LSM8: variants seen among roughly 807,000 people sequenced by gnomAD.
LSM8 encodes LSM8 homolog, U6 small nuclear RNA associated.
A neutral mutation model predicts 15.0 loss-of-function variants in LSM8; 14 were observed. The observed-to-expected ratio is 0.93, with a 90% CI of 0.62 to 1.46. The LOEUF (loss-of-function observed/expected upper bound fraction) is 1.46, where lower values mean the gene tolerates loss of function less well. Among genes scored for constraint, LSM8 ranks in the 40% most tolerant of loss-of-function variants. LSM8 has a pLI of 0.00. For synonymous variants in LSM8, 50 were observed against 42.1 expected (o/e 1.19, Z -0.73); for missense variants, 90 against 115.4 (o/e 0.78, Z 1.01).
At position 118,197,594 on chromosome 7, in the gene LSM8, T is replaced by C. The variant is rs1400739654; in HGVS notation, c.*5592T>C. On this transcript the variant is annotated 3_prime_UTR_variant, in exon 4 of 4. Coordinates refer to ENST00000249299, the MANE Select transcript of LSM8 (RefSeq NM_016200.5). ...AATGATAGTTAAAAGTTAAATTTTT[T>C]ATTTTAAAATTTAAATTTTTATTTT... Among the ~76,000 whole-genome samples the C allele has an allele frequency of 1.3e-5, 2 of 151,986 alleles. No individual in the cohort carries two copies. The highest frequency in any genetic ancestry group is 2.9e-5 in the Non-Finnish European group (2 of 68,012).
chr7:118,192,112 G>A lies in LSM8; in HGVS notation c.*110G>A, dbSNP rs1442800050. On this transcript the variant is annotated 3_prime_UTR_variant, in exon 4 of 4. Transcript: ENST00000249299. ...TGTCACTGGATTTTGACTCCTTATT[G>A]ATTCATTGTAATATGTAAATTAAAA... The A allele has an allele frequency of 3.2e-6, 2 of 627,594 alleles. No homozygotes were observed. The highest frequency in any genetic ancestry group is 6.3e-5 in the East Asian group (2 of 31,680). The allele number at this position is 627,594 out of a possible 1,614,324, so 38.9% of individuals were successfully genotyped here.
chr7:118,187,046 A>G (rs1358456625), intron 2 of LSM8, among the ~76,000 whole-genome samples: 1 of 152,182 alleles, frequency 6.6e-6, no homozygotes, highest in East Asian at 1.9e-4. Context: ...TCTTTGACAC[A>G]TAATTTATTT....
chr7:118,185,492 G>A, intron 1 of LSM8, 162 bp from the exon 2 acceptor site: 1 of 624,256 alleles, frequency 1.6e-6, no homozygotes, highest in Non-Finnish European at 2.8e-6. Flanking sequence ...CTGCCTTGGC[G>A]TCTAAGAAAC....
intron 3 of LSM8, 105 bp from the exon 4 acceptor site, chr7:118,191,807 T>C: frequency 1.2e-6 from 1 of 824,484 alleles, no homozygotes; most frequent in Non-Finnish European, 1.9e-6. Context: ...CTCAGTTTTA[T>C]TTTTTGGAAG....
At chr7:118,186,992 A>T (rs947212102) in intron 2 of LSM8, among the ~76,000 whole-genome samples, 2 of 152,222 alleles carry the variant, frequency 1.3e-5, no homozygotes. Context: ...AATGAAAGTG[A>T]TATAAAAAGC....
At position 118,191,903 on chromosome 7, in the gene LSM8, C is replaced by T; in HGVS notation, c.201-9C>T. ...AGAAATGTGATTGTTTTAACTCTGA[C>T]TTTTTTAGTGCAGTCATTGGAGAAA... On this transcript the variant is annotated splice_polypyrimidine_tract_variant and intron_variant, in intron 3 of 3. Transcript: ENST00000249299. The T allele has an allele frequency of 6.3e-7, 1 of 1,599,550 alleles. No homozygotes were observed. The highest frequency in any genetic ancestry group is 8.5e-7 in the Non-Finnish European group (1 of 1,170,324).
rs1328961314 is a variant in LSM8, at chr7:118,192,811, C to CT, written c.*810dup. 2 of 152,052 alleles carry CT rather than the reference C, an allele frequency of 1.3e-5. No individual in the cohort carries two copies. Among genetic ancestry groups the CT allele is most frequent in the East Asian group, 1.9e-4 (1 of 5,194 alleles). 9.4% of individuals were successfully genotyped at this position (152,052 alleles called of 1,614,324 possible). A position where few individuals can be genotyped will look rare whatever the true frequency, so the allele number is the denominator to read the frequency against. ...GTTTATAAATGTGAGTAAATAAACT[C>CT]TAAGTTTGTATTGAAGTAGTGCTAG... On this transcript the variant is annotated 3_prime_UTR_variant, in exon 4 of 4. Coordinates refer to ENST00000249299, the MANE Select transcript of LSM8 (RefSeq NM_016200.5).
rs1416021824 is a variant in LSM8, at chr7:118,196,193, C to A, written c.*4191C>A. On this transcript the variant is annotated 3_prime_UTR_variant, in exon 4 of 4. Coordinates refer to ENST00000249299, the MANE Select transcript of LSM8 (RefSeq NM_016200.5). ...AGTATGCTCAAAGCTGTGGATAGGCCAGGGAACAGTATTCTTGTGCTTGTG... is the reference window on the plus strand; with the variant it reads ...AGTATGCTCAAAGCTGTGGATAGGCAAGGGAACAGTATTCTTGTGCTTGTG... 2.0e-5 allele frequency among the ~76,000 whole-genome samples: 3 copies of A among 152,134 alleles called. No individual in the cohort carries two copies. Among genetic ancestry groups the A allele is most frequent in the African/African-American group, 7.2e-5 (3 of 41,416 alleles).
chr7:118,190,193 A>C (rs1721151116), intron 3 of LSM8: 1 of 152,210 alleles, frequency 6.6e-6, no homozygotes, highest in Non-Finnish European at 1.5e-5. Context: ...TTTGATCTGT[A>C]ATCAAAAATC....
chr7:118,187,703 A>T (rs1304378232), intron 2 of LSM8, among the ~76,000 whole-genome samples: 1 of 152,210 alleles, frequency 6.6e-6, no homozygotes, highest in Non-Finnish European at 1.5e-5. Context: ...TGGCTCTGCC[A>T]CTTACTACCC....
rs750861929 is a variant in LSM8, at chr7:118,192,062, A to G, written c.*60A>G. 1.6e-5 allele frequency: 22 copies of G among 1,342,320 alleles called. No homozygotes were observed. Among genetic ancestry groups the G allele is most frequent in the Non-Finnish European group, 2.1e-5 (20 of 956,364 alleles). 83.2% of individuals were successfully genotyped at this position (1,342,320 alleles called of 1,614,324 possible). On this transcript the variant is annotated 3_prime_UTR_variant, in exon 4 of 4. Coordinates refer to ENST00000249299, the MANE Select transcript of LSM8 (RefSeq NM_016200.5). ...TGTACAGAAACTGATTATTCTGAGG[A>G]TGATATATGGAGTTTTTATGAGTGT... is the stretch of plus-strand genomic sequence containing the variant.
rs1809123301 is a variant in LSM8 at position 118,198,841 on chromosome 7, G to A, written c.*6839G>A. Among the ~76,000 whole-genome samples, 1 of 152,158 alleles carries A rather than the reference G, an allele frequency of 6.6e-6. No individual in the cohort carries two copies. Among genetic ancestry groups the A allele is most frequent in the African/African-American group, 2.4e-5 (1 of 41,432 alleles). Reference sequence around the variant, plus strand: ...TTGGGATGTCTTACCTGTTAAGAGTGCTTTTGTATGCCTGAGACCATAGGC... The same window carrying A: ...TTGGGATGTCTTACCTGTTAAGAGTACTTTTGTATGCCTGAGACCATAGGC... On this transcript the variant is annotated 3_prime_UTR_variant, in exon 4 of 4. Coordinates refer to ENST00000249299, the MANE Select transcript of LSM8 (RefSeq NM_016200.5).
Position 118,199,710 on chromosome 7 carries a change from A to C in LSM8, c.*7708A>C, listed in dbSNP as rs1416776668. Among the ~76,000 whole-genome samples, 1 of 152,148 alleles carries C rather than the reference A, an allele frequency of 6.6e-6. No homozygotes were observed. The highest frequency in any genetic ancestry group is 1.5e-5 in the Non-Finnish European group (1 of 68,014). On this transcript the variant is annotated 3_prime_UTR_variant, in exon 4 of 4. Coordinates refer to ENST00000249299, the MANE Select transcript of LSM8 (RefSeq NM_016200.5). ...GAACTTAGATGTAACCAAAGACTTA[A>C]AAGATACTAGTCTTTAAGACAGGCT...
At position 118,200,420 on chromosome 7, in the gene LSM8, A is replaced by G. The variant is rs1350684393; in HGVS notation, c.*8418A>G. On this transcript the variant is annotated 3_prime_UTR_variant, in exon 4 of 4. Transcript: ENST00000249299. ...AAGAAAGCTTTAATTTTGGTTTTTC[A>G]GAGCAATATTCACATGACATCTTTC... 1.3e-5 allele frequency among the ~76,000 whole-genome samples: 2 copies of G among 152,164 alleles called. No homozygotes were observed. The highest frequency in any genetic ancestry group is 2.9e-5 in the Non-Finnish European group (2 of 68,022).
rs79666402 is a variant in LSM8, at chr7:118,203,575, C to G, written c.*11573C>G. Among the ~76,000 whole-genome samples the G allele has an allele frequency of 0.068, 10,389 of 151,740 alleles. 384 individuals are homozygous for G. Among genetic ancestry groups the G allele is most frequent in the East Asian group, 0.11 (562 of 5,160 alleles). ...ATTTTTATATCATGATTTTACCACT[C>G]TGAATATCAAAGTCAGTGATGTCTC... On this transcript the variant is annotated 3_prime_UTR_variant, in exon 4 of 4. Coordinates refer to ENST00000249299, the MANE Select transcript of LSM8 (RefSeq NM_016200.5).
intron 3 of LSM8, 104 bp from the exon 4 acceptor site, chr7:118,191,808 T>C (rs1412079014): frequency 1.2e-5 from 10 of 831,636 alleles, no homozygotes; most frequent in Non-Finnish European, 1.5e-5. Context: ...TCAGTTTTAT[T>C]TTTTGGAAGA....
chr7:118,194,203 C>G lies in LSM8; in HGVS notation c.*2201C>G, dbSNP rs1420741855. 2.0e-5 allele frequency among the ~76,000 whole-genome samples: 3 copies of G among 151,712 alleles called. No homozygotes were observed. The highest frequency in any genetic ancestry group is 2.1e-4 in the South Asian group (1 of 4,800). On this transcript the variant is annotated 3_prime_UTR_variant, in exon 4 of 4. Coordinates refer to ENST00000249299, the MANE Select transcript of LSM8 (RefSeq NM_016200.5). ...TGAGACATTTATTCTATAATCAGTTCTTATTTATAAAGAGGCGCAAATCAA... is the reference window on the plus strand; with the variant it reads ...TGAGACATTTATTCTATAATCAGTTGTTATTTATAAAGAGGCGCAAATCAA...
In LSM8 at chr7:118,200,042, A is replaced by G. The variant is rs1809146620; in HGVS notation, c.*8040A>G. On this transcript the variant is annotated 3_prime_UTR_variant, in exon 4 of 4. Transcript: ENST00000249299. ...GAGAACTAATGACTAGCCATACCGA[A>G]GACATTTATCTGGAAATGCCTTCCC... 6.6e-6 allele frequency among the ~76,000 whole-genome samples: 1 copy of G among 152,174 alleles called. No individual in the cohort carries two copies. Among genetic ancestry groups the G allele is most frequent in the African/African-American group, 2.4e-5 (1 of 41,458 alleles).
chr7:118,194,208 T>G lies in LSM8; in HGVS notation c.*2206T>G, dbSNP rs1809037381. Among the ~76,000 whole-genome samples the G allele has an allele frequency of 6.8e-6, 1 of 146,554 alleles. No individual in the cohort carries two copies. Among genetic ancestry groups the G allele is most frequent in the South Asian group, 2.2e-4 (1 of 4,546 alleles). The stretch of plus-strand genomic sequence containing the variant: ...CATTTATTCTATAATCAGTTCTTAT[T>G]TATAAAGAGGCGCAAATCAATTTCA... On this transcript the variant is annotated 3_prime_UTR_variant, in exon 4 of 4. Coordinates refer to ENST00000249299, the MANE Select transcript of LSM8 (RefSeq NM_016200.5).
Sources: gnomAD v4.1 joint callset for allele counts (sites outside exome capture counted in the v4.1 genomes callset) on GRCh38, gnomAD v4.1.1 for gene constraint, MANE v1.5 for transcripts, NCBI Gene and HGNC (gene_info 2026-07-23, HGNC 2026-07-21) for gene names.